Variants in TRIM9 observed in about 807,000 individuals in gnomAD.
The protein encoded by TRIM9 is E3 ubiquitin-protein ligase TRIM9.
A neutral mutation model predicts 78.3 loss-of-function variants in TRIM9; 26 were observed. That is an observed-to-expected ratio of 0.33 (90% confidence interval 0.24 to 0.46). The LOEUF is 0.46. TRIM9 is among the 20% of genes least tolerant of loss of function. TRIM9 has a pLI of 1.00. For synonymous variants in TRIM9, 398 were observed against 416.5 expected (o/e 0.96, Z 0.54); for missense variants, 787 against 1,036.4 (o/e 0.76, Z 3.30).
chr14:51,023,094 AT>A (rs2139776539), intron 2 of TRIM9, 137 bp from the exon 3 acceptor site: 1 of 1,173,412 alleles, frequency 8.5e-7, no homozygotes, highest in South Asian at 1.5e-5. Context: ...TTTTAAAAAA[AT>A]AACTGGATAA....
chr14:50,982,306 G>A (rs911867932), intron 10 of TRIM9: 8 of 605,988 alleles, frequency 1.3e-5, no homozygotes, highest in East Asian at 5.7e-5. Context: ...ACACACGACC[G>A]ATTCAGCAGG....
chr14:51,040,117 C>T (rs924709446), intron 1 of TRIM9, among the ~76,000 whole-genome samples: 4 of 152,112 alleles, frequency 2.6e-5, no homozygotes, highest in African/African-American at 7.2e-5. Flanking sequence ...AAAGTATATG[C>T]GGATAAAGTC....
intron 5 of TRIM9, among the ~76,000 whole-genome samples, chr14:51,002,386 G>A (rs928444684): frequency 3.3e-5 from 5 of 151,608 alleles, no homozygotes; most frequent in Non-Finnish European, 7.4e-5. Flanking sequence ...CACCTGCCTC[G>A]GCCTCCCAAA....
At chr14:51,010,344 G>T in intron 4 of TRIM9, 40 bp downstream of exon 4, 2 of 1,518,830 alleles carry the variant, frequency 1.3e-6, no homozygotes, top group Non-Finnish European at 9.1e-7. Context: ...ATGTCCTATG[G>T]GACATTTAGA....
intron 1 of TRIM9, among the ~76,000 whole-genome samples, chr14:51,045,715 A>G (rs931850607): frequency 7.2e-5 from 11 of 152,224 alleles, no homozygotes; most frequent in Non-Finnish European, 1.5e-4. Flanking sequence ...CAGAAAAAGG[A>G]AATTCAATGG....
In TRIM9 at chr14:50,998,085, G is replaced by T; in HGVS notation, c.1568C>A (p.Pro523Gln). Residue 523 changes from proline (P) to glutamine (Q), a missense_variant, in exon 7 of 13, where the codon CCG becomes CAG. By Grantham distance (76) the Pro-to-Gln change is moderately conservative. Transcript: ENST00000684578. ...TTGGAGGACCAGGGTCTTGCTGTAC[G>T]GGCTGACTCCTGTTTTGTTGAAGGC... ...VKAFNKTGVS[P>Q]YSKTLVLQTS... The T allele has an allele frequency of 6.2e-7, 1 of 1,614,174 alleles. No individual in the cohort carries two copies. The highest frequency in any genetic ancestry group is 8.5e-7 in the Non-Finnish European group (1 of 1,180,012).
At chr14:51,029,211 G>A (rs912769138) in intron 1 of TRIM9, among the ~76,000 whole-genome samples, 1 of 152,146 alleles carries the variant, frequency 6.6e-6, no homozygotes, top group Non-Finnish European at 1.5e-5. Context: ...GAAGCTTTCT[G>A]GCTGTCTCGG....
chr14:51,058,654 C>T (rs1203249376), intron 1 of TRIM9, among the ~76,000 whole-genome samples: 2 of 98,502 alleles, frequency 2.0e-5, no homozygotes, highest in Non-Finnish European at 5.0e-5. Context: ...ACCACAGCTG[C>T]CTAGACCTCC....
At chr14:51,087,133 T>C (rs1352595215) in intron 1 of TRIM9, among the ~76,000 whole-genome samples, 2 of 152,018 alleles carry the variant, frequency 1.3e-5, no homozygotes, top group Admixed American at 6.6e-5. Flanking sequence ...CTGACTCATC[T>C]CAACTGGGTG....
intron 7 of TRIM9, among the ~76,000 whole-genome samples, chr14:50,992,357 C>T (rs1358034769): frequency 3.3e-5 from 5 of 151,788 alleles, no homozygotes; most frequent in East Asian, 3.9e-4. Context: ...GCATGAGGAT[C>T]GCTTGAGGCC....
chr14:51,066,809 C>G (rs2061781743), intron 1 of TRIM9, among the ~76,000 whole-genome samples: 1 of 152,194 alleles, frequency 6.6e-6, no homozygotes, highest in Admixed American at 6.5e-5. Flanking sequence ...TATTTGGACA[C>G]AGTTTGAACA....
intron 7 of TRIM9, chr14:50,988,408 G>A (rs2053010561): frequency 6.6e-6 from 1 of 152,106 alleles, no homozygotes; most frequent in Non-Finnish European, 1.5e-5. Context: ...GGTGGGGACT[G>A]AGGGTAGCTA....
At chr14:50,984,467 C>G (rs1367389196) in intron 8 of TRIM9, among the ~76,000 whole-genome samples, 1 of 152,160 alleles carries the variant, frequency 6.6e-6, no homozygotes, top group Non-Finnish European at 1.5e-5. Flanking sequence ...GAATCGTTTC[C>G]TCCCATCTCA....
chr14:51,094,896 G>A lies in TRIM9; in HGVS notation c.44C>T (p.Ser15Phe), dbSNP rs1456879144. ...EEELKCPVCG[S>F]FYREPIILPC... The stretch of plus-strand genomic sequence containing the variant: ...CAGGATGATGGGCTCCCGATAGAAG[G>A]AGCCGCACACGGGGCATTTCAACTC... Residue 15 changes from serine (S) to phenylalanine (F), a missense_variant, in exon 1 of 13, where the codon TCC becomes TTC. By Grantham distance (155) the Ser-to-Phe change is radical. Around this residue, in one of 3 missense-constraint regions of TRIM9, gnomAD observed 352 missense variants for 472.3 expected, o/e 0.75. Transcript: ENST00000684578. The A allele has an allele frequency of 2.0e-6, 3 of 1,504,716 alleles. No individual in the cohort carries two copies. Among genetic ancestry groups the A allele is most frequent in the Non-Finnish European group, 2.7e-6 (3 of 1,128,226 alleles). 93.2% of individuals were successfully genotyped at this position (1,504,716 alleles called of 1,614,324 possible). A position where few individuals can be genotyped will look rare whatever the true frequency, so the allele number is the denominator to read the frequency against.
chr14:51,041,382 C>A (rs2059565723), intron 1 of TRIM9, among the ~76,000 whole-genome samples: 1 of 152,276 alleles, frequency 6.6e-6, no homozygotes, highest in Admixed American at 6.5e-5. Context: ...ACACCCAGAA[C>A]AAAGTGCAGG....
At chr14:51,076,870 C>T (rs2062829565) in intron 1 of TRIM9, among the ~76,000 whole-genome samples, 1 of 152,206 alleles carries the variant, frequency 6.6e-6, no homozygotes, top group Non-Finnish European at 1.5e-5. Flanking sequence ...AGTTGTGTTG[C>T]CTGAATAGCA....
At chr14:51,042,281 G>T (rs997200376) in intron 1 of TRIM9, among the ~76,000 whole-genome samples, 3 of 152,134 alleles carry the variant, frequency 2.0e-5, no homozygotes, top group Non-Finnish European at 1.5e-5. Context: ...GGTAAAGCCT[G>T]CATCTCCATT....
In TRIM9 at chr14:50,977,371, G is replaced by T; in HGVS notation, c.2326-18C>A. ...AGCGTGACCTGGGGAATGAGACTGT[G>T]AGTCCTGAGAGGCATCGTGCATCCC... On this transcript the variant is annotated intron_variant, in intron 12 of 12. Coordinates refer to ENST00000684578, the MANE Select transcript of TRIM9 (RefSeq NM_001387360.1). 6.6e-7 allele frequency: 1 copy of T among 1,508,900 alleles called. No individual in the cohort carries two copies. Among genetic ancestry groups the T allele is most frequent in the South Asian group, 1.3e-5 (1 of 75,458 alleles). The allele number at this position is 1,508,900 out of a possible 1,614,324, so 93.5% of individuals were successfully genotyped here. A position where few individuals can be genotyped will look rare whatever the true frequency, so the allele number is the denominator to read the frequency against.
At chr14:51,031,928 C>T (rs1375137559) in intron 1 of TRIM9, among the ~76,000 whole-genome samples, 8 of 149,480 alleles carry the variant, frequency 5.4e-5, no homozygotes, top group Non-Finnish European at 1.0e-4. Flanking sequence ...GTATTGTGAA[C>T]CTGACTCTAT....
Sources: allele counts gnomAD v4.1 joint callset (sites outside exome capture counted in the v4.1 genomes callset), GRCh38; gene constraint gnomAD v4.1.1; regional missense constraint gnomAD v4.1.1; transcripts MANE v1.5; gene names NCBI Gene and HGNC (gene_info 2026-07-23, HGNC 2026-07-21).